Variants in RPS20 observed in about 807,000 individuals in gnomAD.
RPS20 encodes small ribosomal subunit protein uS10.
Under a neutral mutation model 15.3 loss-of-function variants are expected in RPS20, and 3 were observed. That is an observed-to-expected ratio of 0.20 (90% CI 0.09 to 0.51). The LOEUF (loss-of-function observed/expected upper bound fraction) is 0.51, where lower values mean the gene tolerates loss of function less well. RPS20 is among the 20% of genes least tolerant of loss of function. The pLI is 0.96. For synonymous variants in RPS20, 62 were observed against 47.8 expected, an observed-to-expected ratio of 1.30 and a Z score of -1.23; for missense variants, 67 against 145.9, an observed-to-expected ratio of 0.46 and a Z score of 2.79.
At chr8:56,072,748 T>C (rs139833813), downstream of RPS20, 175 of 357,652 alleles carry the variant, frequency 4.9e-4, 1 homozygote, top group African/African-American at 3.7e-3. Context: ...AACACGTGCC[T>C]ACTAGCGCAC....
chr8:56,071,901 A>G (rs1476422372), downstream of RPS20, among the ~76,000 whole-genome samples: 1 of 152,250 alleles, frequency 6.6e-6, no homozygotes, highest in Non-Finnish European at 1.5e-5. Flanking sequence ...AAATCTATAG[A>G]AACTTTCCCC....
rs749446897 is a variant in RPS20, at chr8:56,074,182, G to C, written c.4-23C>G. On this transcript the variant is annotated intron_variant, in intron 1 of 3. Coordinates refer to ENST00000009589, the MANE Select transcript of RPS20 (RefSeq NM_001023.4). ...AGCCTATTATTAGATACATGAAAAA[G>C]AACAATAAGCCAAAAATGGTCTGCC... 2.5e-6 allele frequency: 4 copies of C among 1,595,058 alleles called. No individual in the cohort carries two copies. In the East Asian group the frequency reaches 8.9e-5, roughly 36 times the overall value.
chr8:56,071,617 C>CTAGGAACACAGGACAGTCTGGGTA (rs1406633329), downstream of RPS20, among the ~76,000 whole-genome samples: 2 of 152,164 alleles, frequency 1.3e-5, no homozygotes, highest in African/African-American at 4.8e-5. Context: ...TGGATTCAGA[C>CTAGGAACACAGGACAGTCTGGGTA]TAGGAACACA....
At chr8:56,070,424 T>C (rs955982517), downstream of RPS20, among the ~76,000 whole-genome samples, 4 of 152,200 alleles carry the variant, frequency 2.6e-5, no homozygotes, top group Non-Finnish European at 5.9e-5. Context: ...ACAGGCACTC[T>C]ACGGATGTCA....
chr8:56,069,573 A>C (rs1410655633), downstream of RPS20: 11 of 673,188 alleles, frequency 1.6e-5, no homozygotes, highest in Non-Finnish European at 2.9e-5. Context: ...TGCTGAGATT[A>C]CAGGTGTGAG....
chr8:56,070,488 C>T (rs954484237), downstream of RPS20, among the ~76,000 whole-genome samples: 2 of 152,076 alleles, frequency 1.3e-5, no homozygotes, highest in South Asian at 2.1e-4. Flanking sequence ...ATAACCCTAG[C>T]ACTATGGGAG....
chr8:56,074,229 C>T (rs780225879), intron 1 of RPS20, 70 bp from the exon 2 acceptor site: 7 of 1,537,378 alleles, frequency 4.6e-6, no homozygotes, highest in South Asian at 1.1e-5. Context: ...AAGGCAGCTT[C>T]CGGAAGCTTC....
At chr8:56,074,200 G>A (rs1809864987) in intron 1 of RPS20, 41 bp from the exon 2 acceptor site, 4 of 1,568,350 alleles carry the variant, frequency 2.6e-6, no homozygotes, top group East Asian at 2.2e-5. Flanking sequence ...AGCCAAAAAT[G>A]GTCTGCCACT....
chr8:56,072,306 C>T (rs1187340557), downstream of RPS20, among the ~76,000 whole-genome samples: 1 of 152,036 alleles, frequency 6.6e-6, no homozygotes, highest in African/African-American at 2.4e-5. Context: ...AATCCCAGCA[C>T]TTTGGGAGGC....
chr8:56,074,204 T>C lies in RPS20; in HGVS notation c.4-45A>G, dbSNP rs556412056. The stretch of plus-strand genomic sequence containing the variant: ...AAAGAACAATAAGCCAAAAATGGTC[T>C]GCCACTTCTGGAGAAAGGCAGCTTC... On this transcript the variant is annotated intron_variant, in intron 1 of 3. Transcript: ENST00000009589. 2.8e-4 allele frequency: 439 copies of C among 1,563,916 alleles called. 2 individuals carry two copies. The South Asian group carries it at 4.1e-3, about 15-fold the overall frequency.
At chr8:56,071,462 G>A (rs1809752957), downstream of RPS20, among the ~76,000 whole-genome samples, 1 of 152,172 alleles carries the variant, frequency 6.6e-6, no homozygotes, top group South Asian at 2.1e-4. Flanking sequence ...ATTCATTCCA[G>A]ACTCAGTTCC....
In RPS20 at chr8:56,074,360, C is replaced by T. The variant is rs1378430713; in HGVS notation, c.3+21G>A. On this transcript the variant is annotated intron_variant, in intron 1 of 3. Transcript: ENST00000009589. Reference sequence around the variant, plus strand: ...CGCCCGAGCCCTGCGTTGCGCCGCCCGCCGCCGACTGCCGCCTCACCATGG... The same window carrying T: ...CGCCCGAGCCCTGCGTTGCGCCGCCTGCCGCCGACTGCCGCCTCACCATGG... 1 of 1,553,952 alleles carries T rather than the reference C, an allele frequency of 6.4e-7. No individual in the cohort carries two copies. Among genetic ancestry groups the T allele is most frequent in the Middle Eastern group, 1.7e-4 (1 of 5,970 alleles).
At chr8:56,072,079 C>CA (rs925305839), downstream of RPS20, among the ~76,000 whole-genome samples, 65 of 152,030 alleles carry the variant, frequency 4.3e-4, no homozygotes, top group Non-Finnish European at 7.2e-4. Flanking sequence ...CTCACCTCTA[C>CA]AAAAAACAAT....
Position 56,073,786 on chromosome 8 carries a change from CCT to C in RPS20, c.104-20_104-19del, listed in dbSNP as rs1563348014. 2.5e-6 allele frequency: 4 copies of C among 1,609,874 alleles called. No individual in the cohort carries two copies. The highest frequency in any genetic ancestry group is 3.4e-6 in the Non-Finnish European group (4 of 1,176,156). On this transcript the variant is annotated intron_variant, in intron 2 of 3. Transcript: ENST00000009589. Reference sequence around the variant, plus strand: ...AGCACACACTACAGGAAATAAAAGACCTCTCAGTATAATCGAAACAATTAAAA... The same window carrying C: ...AGCACACACTACAGGAAATAAAAGACCTCAGTATAATCGAAACAATTAAAA...
At chr8:56,068,838 TTTTTTTG>T (rs1809680085), downstream of RPS20, among the ~76,000 whole-genome samples, 1 of 119,312 alleles carries the variant, frequency 8.4e-6, no homozygotes, top group African/African-American at 3.9e-5. Flanking sequence ...TTTTTTTTTT[TTTTTTTG>T]AGACAGAGTC....
At chr8:56,069,709 G>C (rs1285805564), downstream of RPS20, 2 of 1,547,992 alleles carry the variant, frequency 1.3e-6, no homozygotes, top group Admixed American at 3.9e-5. Flanking sequence ...ATACCTGCTT[G>C]GTCACTTTTT....
Position 56,074,466 on chromosome 8 carries a change from CA to C in RPS20, c.-84del. The C allele has an allele frequency of 2.7e-6, 4 of 1,464,428 alleles. No homozygotes were observed. Among genetic ancestry groups the C allele is most frequent in the Non-Finnish European group, 3.7e-6 (4 of 1,087,914 alleles). 90.7% of individuals were successfully genotyped at this position (1,464,428 alleles called of 1,614,324 possible). On this transcript the variant is annotated 5_prime_UTR_variant, in exon 1 of 4. Coordinates refer to ENST00000009589, the MANE Select transcript of RPS20 (RefSeq NM_001023.4). ...GAGTCAGGAGCAGGAGCGTGCGGAC[CA>C]AAAATCCTCAGCCCTTACGACCGCG... is the stretch of plus-strand genomic sequence containing the variant.
rs761689876 is a variant in RPS20, at chr8:56,074,434, C to A, written c.-51G>T. 4 of 1,544,774 alleles carry A rather than the reference C, an allele frequency of 2.6e-6. No individual in the cohort carries two copies. Among genetic ancestry groups the A allele is most frequent in the Non-Finnish European group, 3.5e-6 (4 of 1,150,954 alleles). On this transcript the variant is annotated 5_prime_UTR_variant, in exon 1 of 4. Coordinates refer to ENST00000009589, the MANE Select transcript of RPS20 (RefSeq NM_001023.4). ...CGACTTGTTCCTCGGCGAGAGCGAA[C>A]AGCGGTGAGTCAGGAGCAGGAGCGT...
downstream of RPS20, among the ~76,000 whole-genome samples, chr8:56,070,303 G>A (rs1378179416): frequency 2.0e-5 from 3 of 152,120 alleles, no homozygotes; most frequent in Admixed American, 6.6e-5. Flanking sequence ...CAAGTAACTT[G>A]ATCGTCTCCA....
Sources: allele counts gnomAD v4.1 joint callset (sites outside exome capture counted in the v4.1 genomes callset), GRCh38; gene constraint gnomAD v4.1.1; transcripts MANE v1.5; gene names NCBI Gene and HGNC (gene_info 2026-07-23, HGNC 2026-07-21).